Variants in NMUR2 observed in about 807,000 individuals in gnomAD.
NMUR2 encodes neuromedin U receptor 2, also known as neuromedin-U receptor 2.
In NMUR2, 24 loss-of-function variants were observed where a neutral mutation model predicts 25.1. That is an observed-to-expected ratio of 0.96 (90% CI 0.69 to 1.34). NMUR2 has a LOEUF of 1.34. Ranked by LOEUF, NMUR2 falls within the 40% of genes most tolerant of loss-of-function variation. The pLI is 0.00. For synonymous variants in NMUR2, 218 were observed against 208.1 expected (o/e 1.05, Z -0.41); for missense variants, 533 against 512.8 (o/e 1.04, Z -0.38).
chr5:152,404,662 G>A lies in NMUR2; in HGVS notation c.452C>T (p.Pro151Leu), dbSNP rs771274623. 1.1e-5 allele frequency: 17 copies of A among 1,614,012 alleles called. No homozygotes were observed. The highest frequency in any genetic ancestry group is 5.3e-5 in the African/African-American group (4 of 74,922). ...SVERYVAILH[P>L]FRAKLQSTRR... ...GGTGCTCTGCAGTTTGGCGCGGAAC[G>A]GGTGTAGGATGGCCACGTAGCGCTC... The change falls in exon 1 of 4, where the codon CCG becomes CTG. Residue 151 changes from proline to leucine, a missense_variant. Physicochemically the swap from Pro to Leu is moderately conservative, Grantham distance 98 (BLOSUM62 -3). Coordinates refer to ENST00000255262, the MANE Select transcript of NMUR2 (RefSeq NM_020167.5).
Position 152,404,402 on chromosome 5 carries a change from G to A in NMUR2, c.712C>T (p.Leu238Phe). 2 of 1,613,118 alleles carry A rather than the reference G, an allele frequency of 1.2e-6. No individual in the cohort carries two copies. The highest frequency in any genetic ancestry group is 2.2e-5 in the East Asian group (1 of 44,856). Residue 238 changes from leucine to phenylalanine, a missense_variant, in exon 1 of 4, where the codon CTC becomes TTC. Transcript: ENST00000255262. The stretch of plus-strand genomic sequence containing the variant: ...TAGATACTCACTCTGAGTGCCATGA[G>A]GTAGTAGAGGACACTGATGACAGTC... ...PMTVISVLYY[L>F]MALRLKKDKS...
chr5:152,399,742 A>G lies in NMUR2; in HGVS notation c.727-1598T>C, dbSNP rs182842462. Among the ~76,000 whole-genome samples, 420 of 152,236 alleles carry G rather than the reference A, an allele frequency of 2.8e-3. 2 individuals carry two copies. The highest frequency in any genetic ancestry group is 9.7e-3 in the African/African-American group (405 of 41,562). The stretch of plus-strand genomic sequence containing the variant: ...CTCGGCTTCTGAACTTTTCATGTCT[A>G]TGCTCCCTTTGGTATTTACCCAGGG... On this transcript the variant is annotated intron_variant, in intron 1 of 3. Transcript: ENST00000255262.
In NMUR2 at chr5:152,404,494, A is replaced by C; in HGVS notation, c.620T>G (p.Ile207Ser). The change falls in exon 1 of 4, where the codon ATC (isoleucine) becomes AGC (serine). Residue 207 changes from isoleucine (I) to serine (S), a missense_variant. Ile to Ser is a moderately radical substitution (Grantham distance 142). Coordinates refer to ENST00000255262, the MANE Select transcript of NMUR2 (RefSeq NM_020167.5). ...LVPGSATCTV[I>S]KPMWIYNFII... ...GAAATTGTAGATCCACATGGGCTTG[A>C]TGACCGTACAGGTGGCCGAACCTGG... 1 of 1,614,154 alleles carries C rather than the reference A, an allele frequency of 6.2e-7. No individual in the cohort carries two copies. Among genetic ancestry groups the C allele is most frequent in the South Asian group, 1.1e-5 (1 of 91,078 alleles).
intron 1 of NMUR2, among the ~76,000 whole-genome samples, chr5:152,401,308 G>A (rs72791456): frequency 0.14 from 21,760 of 152,098 alleles, 2,065 homozygotes; most frequent in Admixed American, 0.24. Context: ...TTACTATATA[G>A]TGTGATTACT....
At chr5:152,396,764 C>T (rs111939424) in intron 2 of NMUR2, among the ~76,000 whole-genome samples, 20,351 of 151,784 alleles carry the variant, frequency 0.13, 1,796 homozygotes, top group Non-Finnish European at 0.19. Context: ...TGGTTGCACA[C>T]GCCTGTAATC....
At chr5:152,402,313 C>A (rs948143420) in intron 1 of NMUR2, among the ~76,000 whole-genome samples, 2 of 152,040 alleles carry the variant, frequency 1.3e-5, no homozygotes, top group Admixed American at 6.5e-5. Context: ...AAAGGCCCTG[C>A]GATCAGTGAC....
intron 2 of NMUR2, among the ~76,000 whole-genome samples, chr5:152,396,175 G>C (rs1467725288): frequency 6.7e-6 from 1 of 150,342 alleles, no homozygotes; most frequent in Non-Finnish European, 1.5e-5. Context: ...TTTTCTTTGG[G>C]GCATTTAAGC....
At chr5:152,397,470 T>C (rs1006203723) in intron 2 of NMUR2, among the ~76,000 whole-genome samples, 1 of 152,188 alleles carries the variant, frequency 6.6e-6, no homozygotes, top group African/African-American at 2.4e-5. Flanking sequence ...AATGGCTACT[T>C]GGAGATGCTT....
intron 1 of NMUR2, among the ~76,000 whole-genome samples, chr5:152,399,807 T>C (rs920407852): frequency 2.6e-5 from 4 of 152,176 alleles, no homozygotes; most frequent in African/African-American, 9.6e-5. Context: ...TCCAGGCTAA[T>C]TGATTGAAGC....
At position 152,392,290 on chromosome 5, in the gene NMUR2, TG is replaced by T; in HGVS notation, c.1148del (p.Pro383HisfsTer39). 6.2e-7 allele frequency: 1 copy of T among 1,613,886 alleles called. No individual in the cohort carries two copies. The highest frequency in any genetic ancestry group is 8.5e-7 in the Non-Finnish European group (1 of 1,179,902). ...ELTEDIGPQFPCQSSMHNSHL... is the reference protein window; with the variant it reads ...ELTEDIGPQFXCQSSMHNSHL... ...GAGAGTTGTGCATGGATGACTGACATGGGAATTGGGGACCTATATCTTCGGT... is the reference window on the plus strand; with the variant it reads ...GAGAGTTGTGCATGGATGACTGACATGGAATTGGGGACCTATATCTTCGGT... On this transcript the variant is annotated frameshift_variant, in exon 4 of 4. Coordinates refer to ENST00000255262, the MANE Select transcript of NMUR2 (RefSeq NM_020167.5). LOFTEE classifies it low-confidence loss of function (END_TRUNC).
intron 1 of NMUR2, among the ~76,000 whole-genome samples, chr5:152,398,931 C>T (rs1753209993): frequency 6.6e-6 from 1 of 152,140 alleles, no homozygotes; most frequent in African/African-American, 2.4e-5. Context: ...CTTGATGTAA[C>T]ATTTGAAACT....
chr5:152,404,520 G>A lies in NMUR2; in HGVS notation c.594C>T (p.Val198=). The change falls in exon 1 of 4, where the codon GTC becomes GTT. Residue 198 remains valine, a synonymous_variant. Coordinates refer to ENST00000255262, the MANE Select transcript of NMUR2 (RefSeq NM_020167.5). ...KFHYFPNGSL[V]PGSATCTVIK... ...TGACCGTACAGGTGGCCGAACCTGG[G>A]ACCAGGGACCCATTGGGGAAGTAGT... 2.5e-6 allele frequency: 4 copies of A among 1,614,108 alleles called. No individual in the cohort carries two copies. The highest frequency in any genetic ancestry group is 3.4e-6 in the Non-Finnish European group (4 of 1,180,020).
In NMUR2 at chr5:152,404,942, C is replaced by T. The variant is rs1211800919; in HGVS notation, c.172G>A (p.Val58Met). 2 of 1,613,872 alleles carry T rather than the reference C, an allele frequency of 1.2e-6. No individual in the cohort carries two copies. Among genetic ancestry groups the T allele is most frequent in the Non-Finnish European group, 1.7e-6 (2 of 1,179,994 alleles). The change falls in exon 1 of 4, where the codon GTG becomes ATG. Residue 58 changes from valine (V) to methionine (M), a missense_variant. Val to Met is a conservative substitution (Grantham distance 21, BLOSUM62 1). Transcript: ENST00000255262. Reference sequence around the variant, plus strand: ...ACCAGGACATTGCCAATGACCCCCACCACAAAAATTGGCACATACACCACA... The same window carrying T: ...ACCAGGACATTGCCAATGACCCCCATCACAAAAATTGGCACATACACCACA... ...VSVVYVPIFV[V>M]GVIGNVLVCL...
intron 1 of NMUR2, among the ~76,000 whole-genome samples, chr5:152,403,878 T>C (rs1753299098): frequency 6.6e-6 from 1 of 152,076 alleles, no homozygotes; most frequent in Admixed American, 6.6e-5. Flanking sequence ...GACTACAAAA[T>C]AGGCAGGGAT....
chr5:152,393,978 A>C (rs1753106081), intron 3 of NMUR2, among the ~76,000 whole-genome samples: 1 of 152,078 alleles, frequency 6.6e-6, no homozygotes, highest in Non-Finnish European at 1.5e-5. Context: ...GAGGATTAAA[A>C]GGCAAGTTGG....
intron 1 of NMUR2, among the ~76,000 whole-genome samples, chr5:152,401,439 C>T (rs1317690066): frequency 6.6e-6 from 1 of 152,156 alleles, no homozygotes; most frequent in Admixed American, 6.5e-5. Flanking sequence ...AATCACTCTA[C>T]CAGATGTTCA....
chr5:152,401,886 T>C (rs1277488069), intron 1 of NMUR2, among the ~76,000 whole-genome samples: 2 of 152,122 alleles, frequency 1.3e-5, no homozygotes, highest in Non-Finnish European at 2.9e-5. Context: ...AAGCAGTGGG[T>C]CCCAGAGTCA....
chr5:152,392,064 A>T lies in NMUR2; in HGVS notation c.*127T>A. ...TTTTCACGTTTATTAAAAAAAAAAA[A>T]ACTAGCAATGGGTACATGAGTTGTA... On this transcript the variant is annotated 3_prime_UTR_variant, in exon 4 of 4. Transcript: ENST00000255262. The T allele has an allele frequency of 1.3e-6, 1 of 792,530 alleles. No homozygotes were observed. The highest frequency in any genetic ancestry group is 3.9e-4 in the Middle Eastern group (1 of 2,592). 49.1% of individuals were successfully genotyped at this position (792,530 alleles called of 1,614,324 possible). A position where few individuals can be genotyped will look rare whatever the true frequency, so the allele number is the denominator to read the frequency against.
In NMUR2 at chr5:152,392,217, G is replaced by A. The variant is rs1326391153; in HGVS notation, c.1222C>T (p.Gln408Ter). 1.2e-6 allele frequency: 2 copies of A among 1,612,628 alleles called. No homozygotes were observed. Among genetic ancestry groups the A allele is most frequent in the Non-Finnish European group, 1.7e-6 (2 of 1,178,910 alleles). Residue 408 changes from glutamine to a stop codon, truncating the protein, a stop_gained, in exon 4 of 4, where the codon CAA (glutamine) becomes TAA (stop). Transcript: ENST00000255262. LOFTEE classifies it low-confidence loss of function (END_TRUNC). ...SSEQMSRTNY[Q>*]SFHFNKT ...CAGGTTTTGTTAAAGTGGAAGCTTTGATAGTTTGTTCTTGACATCTGTTCA... is the reference window on the plus strand; with the variant it reads ...CAGGTTTTGTTAAAGTGGAAGCTTTAATAGTTTGTTCTTGACATCTGTTCA...
Sources: allele counts gnomAD v4.1 joint callset (sites outside exome capture counted in the v4.1 genomes callset), GRCh38; gene constraint gnomAD v4.1.1; transcripts MANE v1.5; gene names NCBI Gene and HGNC (gene_info 2026-07-23, HGNC 2026-07-21).